Variants in FAM135B observed in about 807,000 individuals in gnomAD.
FAM135B encodes the protein protein FAM135B.
In FAM135B, 43 loss-of-function variants were observed where a neutral mutation model predicts 127.7. The observed-to-expected ratio is 0.34, with a 90% CI of 0.26 to 0.43. The LOEUF (loss-of-function observed/expected upper bound fraction) is 0.43, where lower values mean the gene tolerates loss of function less well. FAM135B is among the 20% of genes least tolerant of loss of function. FAM135B has a pLI of 1.00. For synonymous variants in FAM135B, 670 were observed against 665.1 expected (o/e 1.01, Z -0.11); for missense variants, 1,558 against 1,725.6 (o/e 0.90, Z 1.72).
intron 1 of FAM135B, among the ~76,000 whole-genome samples, chr8:138,436,178 G>A (rs187149710): frequency 4.5e-4 from 69 of 152,284 alleles, no homozygotes; most frequent in African/African-American, 1.6e-3. Flanking sequence ...GCATTGGGAA[G>A]GGCAAACAAG....
chr8:138,355,868 T>C (rs775485295), intron 2 of FAM135B, among the ~76,000 whole-genome samples: 7 of 152,182 alleles, frequency 4.6e-5, no homozygotes, highest in Non-Finnish European at 8.8e-5. Flanking sequence ...TAAGAATGTG[T>C]CCCCTCTAAA....
chr8:138,193,916 G>C (rs1407132696), intron 9 of FAM135B, among the ~76,000 whole-genome samples: 1 of 152,206 alleles, frequency 6.6e-6, no homozygotes, highest in Non-Finnish European at 1.5e-5. Context: ...TGGCTTTGAC[G>C]CTTCTGGCCC....
chr8:138,446,639 T>G (rs1347833895), intron 1 of FAM135B, among the ~76,000 whole-genome samples: 1 of 152,086 alleles, frequency 6.6e-6, no homozygotes, highest in Non-Finnish European at 1.5e-5. Context: ...CCTTACACCT[T>G]ATACAAAAAT....
intron 1 of FAM135B, among the ~76,000 whole-genome samples, chr8:138,390,295 G>A (rs1427751421): frequency 2.6e-5 from 4 of 152,210 alleles, no homozygotes; most frequent in African/African-American, 9.6e-5. Context: ...TCATAGGGGC[G>A]GTTTCCCCCA....
intron 2 of FAM135B, among the ~76,000 whole-genome samples, chr8:138,312,871 C>A (rs1826802728): frequency 1.3e-5 from 2 of 152,164 alleles, no homozygotes; most frequent in Admixed American, 1.3e-4. Context: ...CACCCACCAC[C>A]CCGCAGTAAT....
rs937730397 is a variant in FAM135B at position 138,239,169 on chromosome 8, C to A, written c.669+3773G>T. ...AGTTAAGAAAACTAAGTTTCCCAGT[C>A]CCACCAACAGTGTAAAAGTGTTCCT... On this transcript the variant is annotated intron_variant, in intron 7 of 19. Coordinates refer to ENST00000395297, the MANE Select transcript of FAM135B (RefSeq NM_015912.4). 3.3e-5 allele frequency among the ~76,000 whole-genome samples: 5 copies of A among 152,306 alleles called. No homozygotes were observed. In the East Asian group the frequency reaches 9.7e-4, roughly 29 times the overall value.
intron 2 of FAM135B, among the ~76,000 whole-genome samples, chr8:138,362,799 T>C (rs1016863393): frequency 2.0e-5 from 3 of 152,244 alleles, no homozygotes; most frequent in Non-Finnish European, 4.4e-5. Context: ...TCTATGTATA[T>C]GTCAGCCTCT....
rs1212100610 is a variant in FAM135B, at chr8:138,468,173, ATC to A, written c.-20+28496_-20+28497del. Among the ~76,000 whole-genome samples, 3 of 152,346 alleles carry A rather than the reference ATC, an allele frequency of 2.0e-5. No homozygotes were observed. In the East Asian group the frequency reaches 5.8e-4, roughly 29 times the overall value. On this transcript the variant is annotated intron_variant, in intron 1 of 19. Coordinates refer to ENST00000395297, the MANE Select transcript of FAM135B (RefSeq NM_015912.4). Reference sequence around the variant, plus strand: ...TCATAATAAATTTTTGTGAAACAACATCTCTATGGAATTTACAGAGCCTGACA... The same window carrying A: ...TCATAATAAATTTTTGTGAAACAACATCTATGGAATTTACAGAGCCTGACA...
chr8:138,309,016 A>G (rs999193290), intron 3 of FAM135B: 1 of 455,228 alleles, frequency 2.2e-6, no homozygotes, highest in South Asian at 1.6e-5. Context: ...GTTCTGACAT[A>G]TGTATATTTA....
At chr8:138,145,840 A>G (rs997377884) in intron 15 of FAM135B, 119 bp downstream of exon 15, 67 of 592,054 alleles carry the variant, frequency 1.1e-4, no homozygotes, top group Non-Finnish European at 1.8e-4. Flanking sequence ...CCTGGCCAGC[A>G]TCTCTTTTCA....
intron 2 of FAM135B, among the ~76,000 whole-genome samples, chr8:138,330,989 T>C (rs934722035): frequency 6.6e-6 from 1 of 151,998 alleles, no homozygotes; most frequent in Non-Finnish European, 1.5e-5. Flanking sequence ...ATTACAGGCA[T>C]GCACCACCGC....
chr8:138,354,330 A>G (rs965511716), intron 2 of FAM135B, among the ~76,000 whole-genome samples: 2 of 151,930 alleles, frequency 1.3e-5, no homozygotes, highest in African/African-American at 2.4e-5. Context: ...ACAAAACAAA[A>G]CACTTGTATG....
At chr8:138,411,563 G>A (rs1171695931) in intron 1 of FAM135B, among the ~76,000 whole-genome samples, 1 of 152,128 alleles carries the variant, frequency 6.6e-6, no homozygotes, top group Non-Finnish European at 1.5e-5. Flanking sequence ...TACCATTCAG[G>A]ACATAGGCAT....
Position 138,442,236 on chromosome 8 carries a change from C to CTA in FAM135B, c.-20+54434_-20+54435insTA, listed in dbSNP as rs1564005402. Among the ~76,000 whole-genome samples, 45 of 13,124 alleles carry CTA rather than the reference C, an allele frequency of 3.4e-3. 2 individuals carry two copies. The highest frequency in any genetic ancestry group is 0.014 in the Admixed American group (10 of 736). The allele number at this position is 13,124 out of a possible 152,430, so 8.6% of individuals were successfully genotyped here. On this transcript the variant is annotated intron_variant, in intron 1 of 19. Coordinates refer to ENST00000395297, the MANE Select transcript of FAM135B (RefSeq NM_015912.4). ...AAATTTAACGTGAAGAATATGGACA[C>CTA]CATATATATATATATATATATATAT...
At chr8:138,282,190 C>T (rs1025157096) in intron 3 of FAM135B, among the ~76,000 whole-genome samples, 1 of 152,280 alleles carries the variant, frequency 6.6e-6, no homozygotes, top group South Asian at 2.1e-4. Flanking sequence ...AGATACCATA[C>T]ATTTAACATG....
intron 2 of FAM135B, among the ~76,000 whole-genome samples, chr8:138,341,152 GAAGCAA>G (rs1391373885): frequency 6.6e-6 from 1 of 152,188 alleles, no homozygotes. Flanking sequence ...CCAAAAGGTA[GAAGCAA>G]CACAAATGTC....
intron 2 of FAM135B, among the ~76,000 whole-genome samples, chr8:138,318,952 T>A (rs1300728903): frequency 6.6e-6 from 1 of 152,208 alleles, no homozygotes; most frequent in Non-Finnish European, 1.5e-5. Flanking sequence ...TCATATATGA[T>A]GTGCAAGATA....
chr8:138,177,278 A>C (rs1814561820), intron 11 of FAM135B, 69 bp downstream of exon 11: 1 of 1,411,382 alleles, frequency 7.1e-7, no homozygotes, highest in African/African-American at 1.4e-5. Context: ...GAAAGTGAAG[A>C]GTAACTTTGA....
chr8:138,239,898 G>A (rs1188557973), intron 7 of FAM135B, among the ~76,000 whole-genome samples: 1 of 148,942 alleles, frequency 6.7e-6, no homozygotes, highest in Non-Finnish European at 1.5e-5. Context: ...CTATTGCAAG[G>A]ACAAAAAACC....
Sources: allele counts gnomAD v4.1 joint callset (sites outside exome capture counted in the v4.1 genomes callset), GRCh38; gene constraint gnomAD v4.1.1; transcripts MANE v1.5; gene names NCBI Gene and HGNC (gene_info 2026-07-23, HGNC 2026-07-21).